CTNNA3: variants seen among roughly 807,000 people sequenced by gnomAD.
CTNNA3 encodes the protein catenin alpha 3.
A neutral mutation model predicts 95.7 loss-of-function variants in CTNNA3; 76 were observed. That is an observed-to-expected ratio of 0.79 (90% CI 0.66 to 0.96). The LOEUF (loss-of-function observed/expected upper bound fraction) is 0.96, where lower values mean the gene tolerates loss of function less well. Among genes scored for constraint, CTNNA3 ranks in the 40% least tolerant of loss-of-function variants. The pLI is 0.00. For synonymous variants in CTNNA3, 431 were observed against 374.4 expected (o/e 1.15, Z -1.74); for missense variants, 1,191 against 1,089.8 (o/e 1.09, Z -1.31).
intron 7 of CTNNA3, among the ~76,000 whole-genome samples, chr10:67,052,388 C>CCCA (rs1855165566): frequency 6.6e-6 from 1 of 151,664 alleles, no homozygotes; most frequent in Non-Finnish European, 1.5e-5. Context: ...GCCTTACTGT[C>CCCA]TATTCCATGG....
At chr10:67,676,277 A>G (rs921383589) in intron 1 of CTNNA3, among the ~76,000 whole-genome samples, 1 of 152,182 alleles carries the variant, frequency 6.6e-6, no homozygotes, top group African/African-American at 2.4e-5. Context: ...AAAAATGCAA[A>G]GCACAAGAAC....
intron 10 of CTNNA3, among the ~76,000 whole-genome samples, chr10:66,601,411 T>A: frequency 6.6e-6 from 1 of 151,968 alleles, no homozygotes; most frequent in East Asian, 1.9e-4. Context: ...AAGTTATTTT[T>A]AAAATAATAA....
At chr10:67,750,474 A>G in intron 1 of CTNNA3, 1 of 1,524,796 alleles carries the variant, frequency 6.6e-7, no homozygotes, top group East Asian at 2.3e-5. Flanking sequence ...GAGAAGATCC[A>G]AGAGAAGGCT....
At chr10:67,393,047 AAAGTAT>A (rs1482416991) in intron 5 of CTNNA3, among the ~76,000 whole-genome samples, 39 of 150,526 alleles carry the variant, frequency 2.6e-4, no homozygotes, top group Non-Finnish European at 1.5e-5. Context: ...CCTAAAACTT[AAAGTAT>A]AATAATAAAA....
At chr10:66,657,927 T>A (rs1846123858) in intron 9 of CTNNA3, among the ~76,000 whole-genome samples, 1 of 152,176 alleles carries the variant, frequency 6.6e-6, no homozygotes, top group Admixed American at 6.5e-5. Flanking sequence ...TATTTACACT[T>A]AAGTCCTTGT....
Position 67,005,691 on chromosome 10 carries a change from T to TTTTTGTTTGTTTGTTTG in CTNNA3, c.1047+174625_1047+174626insCAAACAAACAAACAAAA, listed in dbSNP as rs943918716. Among the ~76,000 whole-genome samples, 2 of 121,484 alleles carry TTTTTGTTTGTTTGTTTG rather than the reference T, an allele frequency of 1.6e-5. 1 individual carries two copies. Among genetic ancestry groups the TTTTTGTTTGTTTGTTTG allele is most frequent in the Non-Finnish European group, 3.5e-5 (2 of 56,576 alleles). The allele number at this position is 121,484 out of a possible 152,430, so 79.7% of individuals were successfully genotyped here. On this transcript the variant is annotated intron_variant, in intron 7 of 17. Transcript: ENST00000433211. Reference sequence around the variant, plus strand: ...GTTTATTTTACTCCATCTTTTTTTTTTTTTTTTTTTTTGAGACGGAGTCTT... The same window carrying TTTTTGTTTGTTTGTTTG: ...GTTTATTTTACTCCATCTTTTTTTTTTTTTGTTTGTTTGTTTGTTTTTTTTTTTTGAGACGGAGTCTT...
chr10:66,519,779 C>T (rs1425780245), intron 11 of CTNNA3, among the ~76,000 whole-genome samples: 2 of 152,108 alleles, frequency 1.3e-5, no homozygotes, highest in Non-Finnish European at 2.9e-5. Flanking sequence ...GTGCTCTGAT[C>T]ACCTTGGGCA....
chr10:67,065,190 G>A (rs1452144093), intron 7 of CTNNA3, among the ~76,000 whole-genome samples: 2 of 152,066 alleles, frequency 1.3e-5, no homozygotes, highest in Non-Finnish European at 2.9e-5. Context: ...GAAAAAAAGG[G>A]TATTTGACAC....
chr10:67,581,567 G>C (rs940348651), intron 3 of CTNNA3, among the ~76,000 whole-genome samples: 1 of 152,130 alleles, frequency 6.6e-6, no homozygotes, highest in African/African-American at 2.4e-5. Flanking sequence ...GATGATGCTG[G>C]CCTCATAAAA....
chr10:66,934,775 A>G (rs1175590623), intron 7 of CTNNA3, among the ~76,000 whole-genome samples: 1 of 152,174 alleles, frequency 6.6e-6, no homozygotes, highest in African/African-American at 2.4e-5. Flanking sequence ...GGCCTGGCAT[A>G]TAAAATAGTA....
chr10:66,778,406 T>C (rs1840398687), intron 7 of CTNNA3, among the ~76,000 whole-genome samples: 1 of 152,168 alleles, frequency 6.6e-6, no homozygotes. Context: ...TTCTGTGTTC[T>C]GAGACAAGAG....
chr10:67,553,177 A>G (rs912140037), intron 3 of CTNNA3, among the ~76,000 whole-genome samples: 5 of 152,198 alleles, frequency 3.3e-5, no homozygotes, highest in African/African-American at 4.8e-5. Context: ...GCTCTTCAAT[A>G]AAGTTCAACA....
At chr10:66,051,982 C>CT (rs1286205592) in intron 15 of CTNNA3, among the ~76,000 whole-genome samples, 1 of 151,958 alleles carries the variant, frequency 6.6e-6, no homozygotes, top group Non-Finnish European at 1.5e-5. Context: ...GTGAGTCTTT[C>CT]TTTTTTTGTT....
At chr10:67,575,174 A>C (rs777200541) in intron 3 of CTNNA3, among the ~76,000 whole-genome samples, 2 of 152,146 alleles carry the variant, frequency 1.3e-5, no homozygotes, top group Non-Finnish European at 2.9e-5. Context: ...TGTTTGGGTT[A>C]TGCGTTTCCT....
Position 67,646,280 on chromosome 10 carries a change from G to T in CTNNA3, c.99+1135C>A, listed in dbSNP as rs151161241. ...GATCCTCCTGCCTTGGCCTCCCAAAGTGCTGGGATTATACACATGAGCCAC... is the reference window on the plus strand; with the variant it reads ...GATCCTCCTGCCTTGGCCTCCCAAATTGCTGGGATTATACACATGAGCCAC... On this transcript the variant is annotated intron_variant, in intron 2 of 17. Coordinates refer to ENST00000433211, the MANE Select transcript of CTNNA3 (RefSeq NM_013266.4). 3.5e-3 allele frequency among the ~76,000 whole-genome samples: 524 copies of T among 150,414 alleles called. 4 individuals carry two copies. The highest frequency in any genetic ancestry group is 0.012 in the African/African-American group (482 of 40,942).
chr10:67,076,953 C>G (rs557767720), intron 7 of CTNNA3, among the ~76,000 whole-genome samples: 1 of 152,320 alleles, frequency 6.6e-6, no homozygotes, highest in African/African-American at 2.4e-5. Context: ...TCGTCTTTAT[C>G]ACGTCTAACA....
intron 9 of CTNNA3, among the ~76,000 whole-genome samples, chr10:66,763,705 G>A (rs10762103): frequency 0.86 from 131,435 of 152,176 alleles, 57,231 homozygotes; most frequent in East Asian, 1. Flanking sequence ...GACAACTGCA[G>A]CTTCCTAATT....
chr10:66,360,735 T>TCCTCCTTCCTTTCTTC (rs2092657696), intron 12 of CTNNA3, among the ~76,000 whole-genome samples: 1 of 88,286 alleles, frequency 1.1e-5, no homozygotes, highest in East Asian at 7.1e-4. Context: ...TTTCTTTCTT[T>TCCTCCTTCCTTTCTTC]CTTTCTTTCT....
At chr10:66,441,745 T>C (rs935104995) in intron 11 of CTNNA3, among the ~76,000 whole-genome samples, 1 of 152,226 alleles carries the variant, frequency 6.6e-6, no homozygotes, top group African/African-American at 2.4e-5. Context: ...ATGTTCAATA[T>C]ACATGTAGCT....
Sources: allele counts gnomAD v4.1 joint callset (sites outside exome capture counted in the v4.1 genomes callset), GRCh38; gene constraint gnomAD v4.1.1; transcripts MANE v1.5; gene names NCBI Gene and HGNC (gene_info 2026-07-23, HGNC 2026-07-21).